Variants in TUB observed in about 807,000 individuals in gnomAD.
The protein encoded by TUB is TUB bipartite transcription factor.
A neutral mutation model predicts 59.7 loss-of-function variants in TUB; 33 were observed. The ratio of observed to expected loss-of-function variants is 0.55; its 90% CI spans 0.42 to 0.74. The LOEUF is 0.74. Ranked by LOEUF, TUB falls within the 30% of genes least tolerant of loss-of-function variation. The pLI is 0.00. For synonymous variants in TUB, 293 were observed against 256.4 expected (o/e 1.14, Z -1.36); for missense variants, 659 against 672.0 (o/e 0.98, Z 0.21).
Position 8,102,125 on chromosome 11 carries a change from C to A in TUB, c.*506C>A, listed in dbSNP as rs555215881. On this transcript the variant is annotated 3_prime_UTR_variant, in exon 12 of 12. Transcript: ENST00000299506. Reference sequence around the variant, plus strand: ...AAGGGCTTGGTGGCCAAGCCTGGCCCTTAAACAACTGCAGAAAGCCCTTCA... The same window carrying A: ...AAGGGCTTGGTGGCCAAGCCTGGCCATTAAACAACTGCAGAAAGCCCTTCA... The A allele has an allele frequency of 1.3e-5, 2 of 153,556 alleles. No individual in the cohort carries two copies. Among genetic ancestry groups the A allele is most frequent in the African/African-American group, 4.8e-5 (2 of 41,598 alleles). 9.5% of individuals were successfully genotyped at this position (153,556 alleles called of 1,614,324 possible).
chr11:8,101,834 G>A lies in TUB; in HGVS notation c.*215G>A, dbSNP rs1297358365. On this transcript the variant is annotated 3_prime_UTR_variant, in exon 12 of 12. Coordinates refer to ENST00000299506, the MANE Select transcript of TUB (RefSeq NM_177972.3). ...GGAGAGCGGGTGGGTGGGTGTGAAG[G>A]GATGAGAATAATTCTTTCCATGCCA... 1.6e-5 allele frequency: 11 copies of A among 703,134 alleles called. No individual in the cohort carries two copies. The highest frequency in any genetic ancestry group is 2.5e-5 in the Non-Finnish European group (11 of 442,404). The allele number at this position is 703,134 out of a possible 1,614,324, so 43.6% of individuals were successfully genotyped here.
At chr11:8,069,968 A>G (rs903273072) in intron 2 of TUB, among the ~76,000 whole-genome samples, 2 of 152,224 alleles carry the variant, frequency 1.3e-5, no homozygotes, top group South Asian at 2.1e-4. Context: ...GTGGGGCAGG[A>G]TGGCCGCACC....
chr11:8,067,665 C>T (rs1384879115), intron 2 of TUB: 3 of 152,288 alleles, frequency 2.0e-5, no homozygotes, highest in Non-Finnish European at 2.9e-5. Flanking sequence ...AAACCCCTGT[C>T]CTCAAGGAGC....
In TUB at chr11:8,030,272, A is replaced by G. The variant is rs2133708460; in HGVS notation, c.56+10914A>G. ...GTATCTGTGACCAAAAGTGGAAGGAAGCTCCAGCTATGCCTACAGTCTGGA... is the reference window on the plus strand; with the variant it reads ...GTATCTGTGACCAAAAGTGGAAGGAGGCTCCAGCTATGCCTACAGTCTGGA... On this transcript the variant is annotated intron_variant, in intron 1 of 11. Transcript: ENST00000534099. 2.0e-5 allele frequency among the ~76,000 whole-genome samples: 3 copies of G among 152,314 alleles called. 1 individual carries two copies. Among genetic ancestry groups the G allele is most frequent in the Middle Eastern group, 6.8e-3 (2 of 292 alleles).
At position 8,081,296 on chromosome 11, in the gene TUB, A is replaced by G. The variant is rs1471477272; in HGVS notation, c.-215A>G. 5.7e-6 allele frequency: 5 copies of G among 874,642 alleles called. No individual in the cohort carries two copies. The highest frequency in any genetic ancestry group is 5.5e-6 in the Non-Finnish European group (4 of 729,340). The allele number at this position is 874,642 out of a possible 1,614,324, so 54.2% of individuals were successfully genotyped here. On this transcript the variant is annotated 5_prime_UTR_variant, in exon 1 of 12. Transcript: ENST00000299506. Reference sequence around the variant, plus strand: ...GCGCGCACGACCCGCGCACTCCCGGAGCTTCGCCCATCTCGCCTCGCCGCG... The same window carrying G: ...GCGCGCACGACCCGCGCACTCCCGGGGCTTCGCCCATCTCGCCTCGCCGCG...
chr11:8,057,344 C>G (rs538125588), intron 2 of TUB, among the ~76,000 whole-genome samples: 8 of 152,086 alleles, frequency 5.3e-5, no homozygotes, highest in Non-Finnish European at 8.8e-5. Flanking sequence ...GGCCCAGTAA[C>G]GAGATGCAGA....
intron 2 of TUB, among the ~76,000 whole-genome samples, chr11:8,044,671 C>T (rs1203178815): frequency 6.6e-6 from 1 of 152,044 alleles, no homozygotes; most frequent in Admixed American, 6.6e-5. Context: ...TAATGCAGAC[C>T]CCACAGTTTA....
chr11:8,099,770 C>T (rs1944175418), intron 9 of TUB, among the ~76,000 whole-genome samples: 1 of 152,130 alleles, frequency 6.6e-6, no homozygotes, highest in South Asian at 2.1e-4. Flanking sequence ...GAGGGCGTCA[C>T]TGAGGTAGCT....
At chr11:8,023,818 C>T (rs1942464802) in intron 1 of TUB, among the ~76,000 whole-genome samples, 2 of 152,168 alleles carry the variant, frequency 1.3e-5, no homozygotes, top group African/African-American at 2.4e-5. Context: ...TCATGAAGTC[C>T]ATTTTTTTCC....
chr11:8,085,019 C>T (rs1205227485), intron 1 of TUB, among the ~76,000 whole-genome samples: 1 of 152,158 alleles, frequency 6.6e-6, no homozygotes, highest in Non-Finnish European at 1.5e-5. Flanking sequence ...CTCCTCCTGG[C>T]CCTTGTTAGG....
intron 11 of TUB, among the ~76,000 whole-genome samples, chr11:8,101,202 T>G (rs1477973180): frequency 1.3e-5 from 2 of 152,194 alleles, no homozygotes; most frequent in African/African-American, 2.4e-5. Flanking sequence ...CTAGATTCTG[T>G]GTATTCAACG....
At chr11:8,023,811 T>C (rs1942464446) in intron 1 of TUB, among the ~76,000 whole-genome samples, 1 of 152,194 alleles carries the variant, frequency 6.6e-6, no homozygotes, top group African/African-American at 2.4e-5. Context: ...GTGGGTATCA[T>C]GAAGTCCATT....
chr11:8,034,903 A>T (rs193117116), upstream of TUB, among the ~76,000 whole-genome samples: 14 of 152,348 alleles, frequency 9.2e-5, no homozygotes, highest in African/African-American at 3.4e-4. Context: ...AGCAATATTC[A>T]TGTTGCAGTC....
chr11:8,045,612 G>A (rs1942819046), intron 2 of TUB, among the ~76,000 whole-genome samples: 3 of 152,212 alleles, frequency 2.0e-5, no homozygotes, highest in Non-Finnish European at 4.4e-5. Context: ...GCTCATTGGA[G>A]CATTTCAGAT....
intron 2 of TUB, among the ~76,000 whole-genome samples, chr11:8,055,226 T>C (rs1943000668): frequency 6.6e-6 from 1 of 151,904 alleles, no homozygotes. Context: ...TGTGTGTGCG[T>C]GTGTGAGAGA....
intron 2 of TUB, among the ~76,000 whole-genome samples, chr11:8,069,845 G>T (rs1943325896): frequency 6.6e-6 from 1 of 152,010 alleles, no homozygotes; most frequent in African/African-American, 2.4e-5. Context: ...CTCTGAAAAT[G>T]GTAAAAACGG....
intron 11 of TUB, 69 bp downstream of exon 11, chr11:8,101,066 C>A: frequency 1.9e-6 from 3 of 1,565,408 alleles, no homozygotes; most frequent in South Asian, 1.2e-5. Context: ...GGGTTCAGCC[C>A]ACCTAGCCCT....
chr11:8,089,097 A>G (rs1203922884), intron 1 of TUB, among the ~76,000 whole-genome samples: 1 of 152,158 alleles, frequency 6.6e-6, no homozygotes. Context: ...TACTCTGCCC[A>G]CCTGGAAAGC....
At chr11:8,089,742 C>G (rs913761548) in intron 2 of TUB, 81 bp downstream of exon 2, 3 of 1,552,100 alleles carry the variant, frequency 1.9e-6, no homozygotes, top group Non-Finnish European at 2.7e-6. Flanking sequence ...TGTCCATCTT[C>G]CCTGGATGAT....
Sources: allele counts gnomAD v4.1 joint callset (sites outside exome capture counted in the v4.1 genomes callset), GRCh38; gene constraint gnomAD v4.1.1; transcripts MANE v1.5; gene names NCBI Gene and HGNC (gene_info 2026-07-23, HGNC 2026-07-21).